RBPMS2: variants seen among roughly 807,000 people sequenced by gnomAD.
RBPMS2 encodes RNA binding protein, mRNA processing factor 2.
In RBPMS2, 14 loss-of-function variants were observed where a neutral mutation model predicts 25.7. The observed-to-expected ratio is 0.55, with a 90% CI of 0.36 to 0.85. The LOEUF is 0.85. RBPMS2 is among the 40% of genes least tolerant of loss of function. The pLI is 0.01. For synonymous variants in RBPMS2, 127 were observed against 115.6 expected (o/e 1.10, Z -0.63); for missense variants, 252 against 283.4 (o/e 0.89, Z 0.80).
chr15:64,746,514 G>A (rs961102424), intron 6 of RBPMS2, among the ~76,000 whole-genome samples: 6 of 152,192 alleles, frequency 3.9e-5, no homozygotes, highest in African/African-American at 1.4e-4. Flanking sequence ...GGTGGGTAAC[G>A]TGCCCAATGT....
At chr15:64,754,117 C>G (rs756826633) in intron 1 of RBPMS2, among the ~76,000 whole-genome samples, 2 of 152,082 alleles carry the variant, frequency 1.3e-5, no homozygotes, top group Non-Finnish European at 2.9e-5. Context: ...TTGAGACCAG[C>G]CTGGCCGACG....
chr15:64,769,296 A>C (rs962431543), intron 1 of RBPMS2, among the ~76,000 whole-genome samples: 13 of 150,656 alleles, frequency 8.6e-5, no homozygotes, highest in Admixed American at 8.6e-4. Context: ...GTGGTAGCAC[A>C]TGCCTATAAT....
chr15:64,774,007 T>C (rs1435726146), intron 1 of RBPMS2, among the ~76,000 whole-genome samples: 1 of 152,190 alleles, frequency 6.6e-6, no homozygotes, highest in Non-Finnish European at 1.5e-5. Flanking sequence ...CGCCAAAAAG[T>C]GGAGATCCAA....
At chr15:64,749,988 G>A (rs74938796) in intron 3 of RBPMS2, among the ~76,000 whole-genome samples, 2 of 151,574 alleles carry the variant, frequency 1.3e-5, no homozygotes, top group Non-Finnish European at 2.9e-5. Flanking sequence ...TGGCCTCCTT[G>A]TATTAAAAGC....
chr15:64,771,498 C>A (rs1295061018), intron 1 of RBPMS2, among the ~76,000 whole-genome samples: 1 of 152,182 alleles, frequency 6.6e-6, no homozygotes, highest in East Asian at 1.9e-4. Context: ...GCCTGGCCAA[C>A]ATGGTGAAAC....
At chr15:64,756,720 C>A (rs1260513161) in intron 1 of RBPMS2, among the ~76,000 whole-genome samples, 2 of 150,636 alleles carry the variant, frequency 1.3e-5, no homozygotes, top group African/African-American at 4.9e-5. Context: ...CTGCTCACTG[C>A]AACCCTGTCC....
intron 4 of RBPMS2, 53 bp from the exon 5 acceptor site, chr15:64,749,203 T>G: frequency 1.9e-6 from 3 of 1,591,254 alleles, no homozygotes; most frequent in South Asian, 2.2e-5. Flanking sequence ...ACCCAGAGTG[T>G]TAATGGCAGA....
At position 64,750,325 on chromosome 15, in the gene RBPMS2, C is replaced by T; in HGVS notation, c.204+18G>A. On this transcript the variant is annotated intron_variant, in intron 3 of 7. Transcript: ENST00000300069. ...CCGGTCTGGGCTGGGAGGAAGAAAA[C>T]CCTAGGAGAGAAATTACCTGTCTTG... 1 of 1,611,516 alleles carries T rather than the reference C, an allele frequency of 6.2e-7. No homozygotes were observed. Among genetic ancestry groups the T allele is most frequent in the Non-Finnish European group, 8.5e-7 (1 of 1,177,718 alleles).
chr15:64,775,328 G>T lies in RBPMS2; in HGVS notation c.-9C>A, dbSNP rs1404080110. ...GGCTTCAGGTTGCTCATGGTGCGGGGGAGGGGGCGGCGGGAAGGAACGCGA... is the reference window on the plus strand; with the variant it reads ...GGCTTCAGGTTGCTCATGGTGCGGGTGAGGGGGCGGCGGGAAGGAACGCGA... On this transcript the variant is annotated 5_prime_UTR_variant, in exon 1 of 8. Coordinates refer to ENST00000300069, the MANE Select transcript of RBPMS2 (RefSeq NM_194272.3). 7 of 1,287,234 alleles carry T rather than the reference G, an allele frequency of 5.4e-6. No homozygotes were observed. The highest frequency in any genetic ancestry group is 6.9e-6 in the Non-Finnish European group (7 of 1,011,800). The allele number at this position is 1,287,234 out of a possible 1,614,324, so 79.7% of individuals were successfully genotyped here. A position where few individuals can be genotyped will look rare whatever the true frequency, so the allele number is the denominator to read the frequency against.
chr15:64,753,899 C>T (rs1595788789), intron 1 of RBPMS2, among the ~76,000 whole-genome samples: 2 of 152,154 alleles, frequency 1.3e-5, no homozygotes, highest in Admixed American at 1.3e-4. Context: ...CTGAGCCCAG[C>T]AGGCCTCTCT....
chr15:64,749,359 A>C, intron 4 of RBPMS2, 72 bp downstream of exon 4: 1 of 1,442,496 alleles, frequency 6.9e-7, no homozygotes, highest in Non-Finnish European at 9.7e-7. Flanking sequence ...TGGCCGGGAA[A>C]TAAGATACAT....
intron 1 of RBPMS2, among the ~76,000 whole-genome samples, chr15:64,763,223 A>G (rs989575365): frequency 6.6e-6 from 1 of 152,154 alleles, no homozygotes; most frequent in Non-Finnish European, 1.5e-5. Flanking sequence ...CTGCAGACCC[A>G]GGACTTATAA....
At chr15:64,771,827 C>T (rs192233763) in intron 1 of RBPMS2, among the ~76,000 whole-genome samples, 28 of 152,032 alleles carry the variant, frequency 1.8e-4, no homozygotes, top group Admixed American at 1.6e-3. Context: ...GGTATGGTGG[C>T]GGGCACCTGT....
chr15:64,763,601 A>G (rs2083813040), intron 1 of RBPMS2, among the ~76,000 whole-genome samples: 1 of 152,140 alleles, frequency 6.6e-6, no homozygotes, highest in South Asian at 2.1e-4. Flanking sequence ...CCTTTACACA[A>G]ACCATCAGCA....
At chr15:64,744,798 G>GTTGTTTTTTTTTTTT (rs2083601378) in intron 6 of RBPMS2, among the ~76,000 whole-genome samples, 4 of 46,290 alleles carry the variant, frequency 8.6e-5, no homozygotes, top group African/African-American at 2.2e-4. Flanking sequence ...GGTTTGTTTT[G>GTTGTTTTTTTTTTTT]TTTTTTTTTT....
chr15:64,775,006 C>T (rs1952597284), intron 1 of RBPMS2, among the ~76,000 whole-genome samples: 1 of 150,646 alleles, frequency 6.6e-6, no homozygotes, highest in African/African-American at 2.4e-5. Flanking sequence ...CGGCCCGCCT[C>T]GAGCCCGAGA....
At chr15:64,742,784 T>C (rs2083574974) in intron 6 of RBPMS2, among the ~76,000 whole-genome samples, 2 of 152,044 alleles carry the variant, frequency 1.3e-5, no homozygotes, top group Non-Finnish European at 2.9e-5. Context: ...ACAGCTCCCT[T>C]GAGGTTGGAG....
At chr15:64,756,401 G>C (rs2083731491) in intron 1 of RBPMS2, among the ~76,000 whole-genome samples, 1 of 151,952 alleles carries the variant, frequency 6.6e-6, no homozygotes, top group Admixed American at 6.6e-5. Flanking sequence ...TGTAGTCCCA[G>C]CTACTTGGCA....
At chr15:64,751,012 C>T (rs942681239) in intron 2 of RBPMS2, among the ~76,000 whole-genome samples, 1 of 149,992 alleles carries the variant, frequency 6.7e-6, no homozygotes, top group Non-Finnish European at 1.5e-5. Context: ...CCAGCCTGGG[C>T]AACTGAGTGA....
Sources: gnomAD v4.1 joint callset for allele counts (sites outside exome capture counted in the v4.1 genomes callset) on GRCh38, gnomAD v4.1.1 for gene constraint, MANE v1.5 for transcripts, NCBI Gene and HGNC (gene_info 2026-07-23, HGNC 2026-07-21) for gene names.